PCDHGB1: variants seen among roughly 807,000 people sequenced by gnomAD.
PCDHGB1 encodes protocadherin gamma subfamily B, 1.
PCDHGB1 carries 34 observed loss-of-function variants against 56.6 expected under a neutral mutation model. The observed-to-expected ratio is 0.60, with a 90% CI of 0.46 to 0.80. The LOEUF (loss-of-function observed/expected upper bound fraction) is 0.80, where lower values mean the gene tolerates loss of function less well. Among genes scored for constraint, PCDHGB1 ranks in the 30% least tolerant of loss-of-function variants. The pLI is 0.00. For synonymous variants in PCDHGB1, 561 were observed against 505.9 expected (o/e 1.11, Z -1.46); for missense variants, 1,278 against 1,204.6 (o/e 1.06, Z -0.90).
At position 141,352,604 on chromosome 5, in the gene PCDHGB1, T is replaced by C; in HGVS notation, c.2344T>C (p.Ser782Pro). The change falls in exon 1 of 4, where the codon TCT becomes CCT. Residue 782 changes from serine (S) to proline (P), a missense_variant. Ser to Pro is a moderately conservative substitution (Grantham distance 74). Transcript: ENST00000523390. Reference sequence around the variant, plus strand: ...TCAGGATCTGCTGTGTGATGATCCTTCTATGGTTGTATGTGCCAGTAATGA... The same window carrying C: ...TCAGGATCTGCTGTGTGATGATCCTCCTATGGTTGTATGTGCCAGTAATGA... ...PPQDLLCDDP[S>P]MVVCASNEDH... The C allele has an allele frequency of 6.2e-7, 1 of 1,613,552 alleles. No individual in the cohort carries two copies. The highest frequency in any genetic ancestry group is 8.5e-7 in the Non-Finnish European group (1 of 1,179,660).
chr5:141,356,676 C>T (rs773817412), intron 1 of PCDHGB1: 16 of 1,613,838 alleles, frequency 9.9e-6, no homozygotes, highest in East Asian at 2.2e-5. Flanking sequence ...ACTCCCTGGC[C>T]GAAGACACCT....
rs570765907 is a variant in PCDHGB1, at chr5:141,414,583, G to T, written c.2409+61914G>T. The T allele has an allele frequency of 5.6e-6, 9 of 1,613,854 alleles. No individual in the cohort carries two copies. In the South Asian group the frequency reaches 8.8e-5, roughly 16 times the overall value. On this transcript the variant is annotated intron_variant, in intron 1 of 3. Coordinates refer to ENST00000523390, the MANE Select transcript of PCDHGB1 (RefSeq NM_018922.3). Reference sequence around the variant, plus strand: ...CTTTACCTATATCCCAGAGAACAACGCCAGGGGTGCCTCCATCTTCTCAGT... The same window carrying T: ...CTTTACCTATATCCCAGAGAACAACTCCAGGGGTGCCTCCATCTTCTCAGT...
Position 141,351,803 on chromosome 5 carries a change from G to C in PCDHGB1, c.1543G>C (p.Ala515Pro). 6.2e-7 allele frequency: 1 copy of C among 1,613,322 alleles called. No individual in the cohort carries two copies. Among genetic ancestry groups the C allele is most frequent in the East Asian group, 2.2e-5 (1 of 44,874 alleles). The change falls in exon 1 of 4, where the codon GCC becomes CCC. Residue 515 changes from alanine (A) to proline (P), a missense_variant. Coordinates refer to ENST00000523390, the MANE Select transcript of PCDHGB1 (RefSeq NM_018922.3). ...GAGCGGGGTGGTGTTCGCGCAGCGC[G>C]CCTTCGACCACGAGCAGCTGCGCGC... is the stretch of plus-strand genomic sequence containing the variant. ...PQSGVVFAQR[A>P]FDHEQLRAFE...
At chr5:141,504,743 G>A (rs924744762) in intron 2 of PCDHGB1, among the ~76,000 whole-genome samples, 5 of 151,982 alleles carry the variant, frequency 3.3e-5, no homozygotes, top group African/African-American at 9.7e-5. Context: ...GGAAGCCATT[G>A]AATTTTAGAA....
At chr5:141,414,452 T>G in intron 1 of PCDHGB1, 1 of 1,613,886 alleles carries the variant, frequency 6.2e-7, no homozygotes, top group Non-Finnish European at 8.5e-7. Context: ...AATATCACAG[T>G]GACAGCCACA....
At position 141,362,472 on chromosome 5, in the gene PCDHGB1, T is replaced by G. The variant is rs1762526410; in HGVS notation, c.2409+9803T>G. On this transcript the variant is annotated intron_variant, in intron 1 of 3. Transcript: ENST00000523390. ...CCCCGGAATTGGTTCCCGCGCAAGA[T>G]CTCGTCTGTGACAATGCCTCTTGGG... 3 of 1,613,916 alleles carry G rather than the reference T, an allele frequency of 1.9e-6. No individual in the cohort carries two copies. Among genetic ancestry groups the G allele is most frequent in the Non-Finnish European group, 2.5e-6 (3 of 1,179,892 alleles).
rs57426385 is a variant in PCDHGB1, at chr5:141,415,740, G to GTTTTTTTTTTTT, written c.2409+63092_2409+63103dup. 137 of 625,016 alleles carry GTTTTTTTTTTTT rather than the reference G, an allele frequency of 2.2e-4. 2 individuals carry two copies. The highest frequency in any genetic ancestry group is 3.5e-4 in the Admixed American group (5 of 14,120). The allele number at this position is 625,016 out of a possible 1,614,324, so 38.7% of individuals were successfully genotyped here. On this transcript the variant is annotated intron_variant, in intron 1 of 3. Coordinates refer to ENST00000523390, the MANE Select transcript of PCDHGB1 (RefSeq NM_018922.3). ...TGAGTAGAATTTGATGTTTATTAAG[G>GTTTTTTTTTTTT]TTTTTTTTTTTTTTTTTTTTTTTTT... is the stretch of plus-strand genomic sequence containing the variant.
chr5:141,415,284 G>T (rs186109113), intron 1 of PCDHGB1: 1 of 1,614,198 alleles, frequency 6.2e-7, no homozygotes, highest in East Asian at 2.2e-5. Context: ...CGGTGGCCGC[G>T]GTCTCCTGCG....
intron 1 of PCDHGB1, chr5:141,366,321 T>G (rs752863239): frequency 6.2e-7 from 1 of 1,613,820 alleles, no homozygotes; most frequent in Non-Finnish European, 8.5e-7. Flanking sequence ...ACCGTTGCCG[T>G]GGCCGACAGG....
intron 1 of PCDHGB1, chr5:141,399,285 C>G (rs751998465): frequency 6.2e-7 from 1 of 1,613,838 alleles, no homozygotes; most frequent in Non-Finnish European, 8.5e-7. Flanking sequence ...AAGGCGAAGT[C>G]CCTTTTAAGA....
intron 1 of PCDHGB1, chr5:141,393,996 G>C (rs1379037065): frequency 3.1e-6 from 5 of 1,613,290 alleles, no homozygotes; most frequent in East Asian, 2.2e-5. Flanking sequence ...TTTTAAATTA[G>C]AAAAGTCAAT....
At chr5:141,354,183 T>A (rs910434352) in intron 1 of PCDHGB1, among the ~76,000 whole-genome samples, 12 of 152,266 alleles carry the variant, frequency 7.9e-5, no homozygotes, top group African/African-American at 2.2e-4. Context: ...TTATCTGCAC[T>A]TTATAGTTAT....
At chr5:141,382,862 C>T (rs1026124728) in intron 1 of PCDHGB1, 2 of 1,514,358 alleles carry the variant, frequency 1.3e-6, no homozygotes, top group Non-Finnish European at 1.8e-6. Context: ...TGAAGCACTT[C>T]CCGAGATCGG....
intron 1 of PCDHGB1, chr5:141,356,846 G>T (rs766650445): frequency 6.2e-7 from 1 of 1,614,178 alleles, no homozygotes; most frequent in Admixed American, 1.7e-5. Flanking sequence ...GTGTCACTGA[G>T]CCTCTTTGTG....
intron 1 of PCDHGB1, chr5:141,419,413 C>A (rs568417008): frequency 6.2e-7 from 1 of 1,613,444 alleles, no homozygotes; most frequent in South Asian, 1.1e-5. Flanking sequence ...TCGCGCAGCG[C>A]GCCTTCGACC....
At chr5:141,395,111 T>G in intron 1 of PCDHGB1, 1 of 1,613,670 alleles carries the variant, frequency 6.2e-7, no homozygotes, top group Middle Eastern at 1.7e-4. Flanking sequence ...CGCGGAAGAG[T>G]CACCTGATCT....
intron 1 of PCDHGB1, chr5:141,384,276 C>A: frequency 6.2e-7 from 1 of 1,613,888 alleles, no homozygotes; most frequent in Non-Finnish European, 8.5e-7. Context: ...CCTACTCAGT[C>A]TACATCGCTG....
chr5:141,431,355 C>T lies in PCDHGB1; in HGVS notation c.2410-63452C>T. 1 of 1,614,054 alleles carries T rather than the reference C, an allele frequency of 6.2e-7. No homozygotes were observed. Among genetic ancestry groups the T allele is most frequent in the South Asian group, 1.1e-5 (1 of 91,082 alleles). ...TACCCCGAATTGGTGCTGAAACGCG[C>T]CCTGGACCGCGAAGAAAAGGCTGCT... On this transcript the variant is annotated intron_variant, in intron 1 of 3. Transcript: ENST00000523390. The surrounding 1 kb of genome is among the most constrained non-coding windows in gnomAD (Gnocchi z 4.8).
intron 1 of PCDHGB1, chr5:141,412,854 A>G (rs1356959630): frequency 4.5e-6 from 1 of 223,412 alleles, no homozygotes; most frequent in South Asian, 1.8e-4. Context: ...GAGAAACCAA[A>G]GAATCTATGT....
Sources: gnomAD v4.1 joint callset for allele counts (sites outside exome capture counted in the v4.1 genomes callset) on GRCh38, gnomAD v4.1.1 for gene constraint, Gnocchi (gnomAD v3.1) non-coding constraint, MANE v1.5 for transcripts, NCBI Gene and HGNC (gene_info 2026-07-23, HGNC 2026-07-21) for gene names.